The following PRKN variants were observed in gnomAD, a reference collection of about 807,000 sequenced individuals.
The protein encoded by PRKN is parkin RBR E3 ubiquitin protein ligase, also known as E3 ubiquitin-protein ligase parkin.
Under a neutral mutation model 59.5 loss-of-function variants are expected in PRKN, and 56 were observed. The observed-to-expected ratio is 0.94, with a 90% CI of 0.76 to 1.18. PRKN has a LOEUF of 1.18. Ranked by LOEUF, PRKN falls within the 50% of genes most tolerant of loss-of-function variation. The probability of loss-of-function intolerance (pLI) is 0.00; values close to 1 mark genes in which losing one functional copy is unlikely to be tolerated. For missense variants in PRKN, 657 were observed against 596.4 expected, an observed-to-expected ratio of 1.10 and a Z score of -1.06; for synonymous variants, 250 against 222.1, an observed-to-expected ratio of 1.13 and a Z score of -1.12.
rs140469728 is a variant in PRKN, at chr6:161,593,628, C to T, written c.872-24212G>A. Among the ~76,000 whole-genome samples the T allele has an allele frequency of 4.5e-4, 69 of 152,208 alleles. No homozygotes were observed. Among genetic ancestry groups the T allele is most frequent in the African/African-American group, 1.6e-3 (65 of 41,522 alleles). On this transcript the variant is annotated intron_variant, in intron 7 of 11. Transcript: ENST00000366898. This position sits in a 1 kb window ranked among gnomAD's most constrained non-coding sequence, Gnocchi z 4.8. ...ACAAAGGAAAAGGAGGCAGGGGTTG[C>T]GCTGCCACTTTTATCCTGAGGAACC...
At chr6:162,369,665 A>G (rs926436890) in intron 2 of PRKN, among the ~76,000 whole-genome samples, 2 of 152,194 alleles carry the variant, frequency 1.3e-5, no homozygotes, top group Non-Finnish European at 2.9e-5. Context: ...AATGTATTTC[A>G]GCTCTTCATC....
chr6:162,250,607 C>G lies in PRKN; in HGVS notation c.412+11918G>C, dbSNP rs184963515. On this transcript the variant is annotated intron_variant, in intron 3 of 11. Transcript: ENST00000366898. Reference sequence around the variant, plus strand: ...CATGGCATCAGCCAGATTCCCTTCACTTATATCAACCCATTCACTTTCATC... The same window carrying G: ...CATGGCATCAGCCAGATTCCCTTCAGTTATATCAACCCATTCACTTTCATC... 6.0e-4 allele frequency among the ~76,000 whole-genome samples: 92 copies of G among 152,318 alleles called. No homozygotes were observed. The Middle Eastern group carries it at 0.01, about 17-fold the overall frequency.
chr6:161,853,869 T>G (rs1174162144), intron 6 of PRKN, among the ~76,000 whole-genome samples: 1 of 152,104 alleles, frequency 6.6e-6, no homozygotes, highest in South Asian at 2.1e-4. Flanking sequence ...GCCCATTCAG[T>G]GCACACAGAG....
At chr6:162,602,061 C>T (rs1252782892) in intron 1 of PRKN, among the ~76,000 whole-genome samples, 1 of 152,330 alleles carries the variant, frequency 6.6e-6, no homozygotes, top group East Asian at 1.9e-4. Context: ...GCTAATACAG[C>T]AGGCAGTCAC....
intron 1 of PRKN, among the ~76,000 whole-genome samples, chr6:162,458,282 T>C (rs1252111749): frequency 8.9e-6 from 1 of 111,960 alleles, no homozygotes; most frequent in South Asian, 2.6e-4. Flanking sequence ...AAAAATTACC[T>C]GGGTGTGGTG....
At chr6:162,720,444 T>C (rs1343471603) in intron 1 of PRKN, among the ~76,000 whole-genome samples, 1 of 141,562 alleles carries the variant, frequency 7.1e-6, no homozygotes, top group Admixed American at 7.0e-5. Flanking sequence ...TGGTCTTTTT[T>C]TTTTTTTTTT....
rs1171177144 is a variant in PRKN at position 162,556,505 on chromosome 6, T to G, written c.8-113032A>C. 2.6e-5 allele frequency among the ~76,000 whole-genome samples: 4 copies of G among 151,328 alleles called. No homozygotes were observed. In the East Asian group the frequency reaches 7.8e-4, roughly 30 times the overall value. ...GGTTCACACCTGTAATCCCAGCACT[T>G]TGGGAGGCCGAGGCGGGGGGATCAC... On this transcript the variant is annotated intron_variant, in intron 1 of 11. Transcript: ENST00000366898.
chr6:161,380,422 CTA>C (rs1785917334), intron 10 of PRKN, among the ~76,000 whole-genome samples: 1 of 140,580 alleles, frequency 7.1e-6, no homozygotes, highest in Non-Finnish European at 1.6e-5. Flanking sequence ...AAGTCCAAGT[CTA>C]TCTTTTTTTT....
chr6:161,945,479 T>C (rs7772869), intron 6 of PRKN, among the ~76,000 whole-genome samples: 432 of 152,322 alleles, frequency 2.8e-3, no homozygotes, highest in African/African-American at 0.01. Flanking sequence ...AAGCCCCAGT[T>C]GGGAAAATTA....
chr6:161,940,707 A>C (rs200070155), intron 6 of PRKN, among the ~76,000 whole-genome samples: 2 of 152,180 alleles, frequency 1.3e-5, no homozygotes, highest in East Asian at 1.9e-4. Context: ...GATCCTGAAA[A>C]AGAAGAGCCG....
intron 1 of PRKN, among the ~76,000 whole-genome samples, chr6:162,485,013 C>T (rs559407597): frequency 4.1e-4 from 63 of 152,158 alleles, no homozygotes; most frequent in African/African-American, 1.5e-3. Flanking sequence ...AAAACAAAGA[C>T]AAATCTCATC....
At chr6:161,790,130 G>T (rs1790581272) in intron 6 of PRKN, among the ~76,000 whole-genome samples, 1 of 152,186 alleles carries the variant, frequency 6.6e-6, no homozygotes, top group African/African-American at 2.4e-5. Context: ...TAGGAAAAGA[G>T]AATTATTGAG....
chr6:161,920,476 A>G (rs887793808), intron 6 of PRKN, among the ~76,000 whole-genome samples: 4 of 152,104 alleles, frequency 2.6e-5, no homozygotes, highest in African/African-American at 9.7e-5. Flanking sequence ...CAGTGAAAAT[A>G]CAGTATAAAA....
Position 161,414,123 on chromosome 6 carries a change from T to A in PRKN, c.1084-27246A>T, listed in dbSNP as rs189287206. On this transcript the variant is annotated intron_variant, in intron 9 of 11. Transcript: ENST00000366898. The surrounding 1 kb of genome is among the most constrained non-coding windows in gnomAD (Gnocchi z 5.3). ...TTTAATTCAGACTTCTCTCTTTCTTTGCTGCAAATGGCTCTCTGGAGCACA... is the reference window on the plus strand; with the variant it reads ...TTTAATTCAGACTTCTCTCTTTCTTAGCTGCAAATGGCTCTCTGGAGCACA... 2.0e-5 allele frequency among the ~76,000 whole-genome samples: 3 copies of A among 152,296 alleles called. No individual in the cohort carries two copies. The East Asian group carries it at 5.8e-4, about 29-fold the overall frequency.
At chr6:162,393,458 C>G (rs1787318554) in intron 2 of PRKN, among the ~76,000 whole-genome samples, 1 of 151,968 alleles carries the variant, frequency 6.6e-6, no homozygotes, top group South Asian at 2.1e-4. Context: ...CCATACCCGG[C>G]CGAGGCTAGG....
At chr6:162,358,079 CG>C (rs1386363766) in intron 2 of PRKN, among the ~76,000 whole-genome samples, 1 of 152,022 alleles carries the variant, frequency 6.6e-6, no homozygotes, top group Non-Finnish European at 1.5e-5. Context: ...TTAATAATAA[CG>C]TATCAATATT....
At chr6:162,532,272 G>A (rs1056991014) in intron 1 of PRKN, among the ~76,000 whole-genome samples, 2 of 125,162 alleles carry the variant, frequency 1.6e-5, no homozygotes, top group African/African-American at 5.3e-5. Context: ...TGCTATTAGT[G>A]AAAATATGCA....
chr6:161,845,915 G>A (rs1254877884), intron 6 of PRKN, among the ~76,000 whole-genome samples: 3 of 152,196 alleles, frequency 2.0e-5, no homozygotes, highest in Admixed American at 6.5e-5. Context: ...TGTTCCATGA[G>A]TTTAATGGAC....
intron 2 of PRKN, among the ~76,000 whole-genome samples, chr6:162,340,009 G>A (rs577626147): frequency 6.9e-6 from 1 of 144,952 alleles, no homozygotes; most frequent in Non-Finnish European, 1.5e-5. Context: ...GCGGAAGGCC[G>A]CAGGGTCCTC....
Sources: allele counts gnomAD v4.1 joint callset (sites outside exome capture counted in the v4.1 genomes callset), GRCh38; gene constraint gnomAD v4.1.1; non-coding constraint Gnocchi (gnomAD v3.1); transcripts MANE v1.5; gene names NCBI Gene and HGNC (gene_info 2026-07-23, HGNC 2026-07-21).